EPS15: variants seen among roughly 807,000 people sequenced by gnomAD.
EPS15 encodes epidermal growth factor receptor substrate 15.
In EPS15, 72 loss-of-function variants were observed where a neutral mutation model predicts 113.8. That is an observed-to-expected ratio of 0.63 (90% CI 0.52 to 0.77). EPS15 has a LOEUF of 0.77. Among genes scored for constraint, EPS15 ranks in the 30% least tolerant of loss-of-function variants. The probability of loss-of-function intolerance (pLI) is 0.00; values close to 1 mark genes in which losing one functional copy is unlikely to be tolerated. For missense variants in EPS15, 1,048 were observed against 1,045.8 expected, an observed-to-expected ratio of 1.00 and a Z score of -0.03; for synonymous variants, 344 against 363.4, an observed-to-expected ratio of 0.95 and a Z score of 0.61.
At chr1:51,491,684 T>G (rs956745707) in intron 1 of EPS15, among the ~76,000 whole-genome samples, 9 of 148,498 alleles carry the variant, frequency 6.1e-5, no homozygotes, top group African/African-American at 2.2e-4. Flanking sequence ...AGAACAACTC[T>G]AAAGCTAGGG....
rs1649324638 is a variant in EPS15, at chr1:51,408,238, A to G, written c.1370T>C (p.Leu457Pro). The G allele has an allele frequency of 6.2e-7, 1 of 1,614,108 alleles. No homozygotes were observed. Residue 457 changes from leucine to proline, a missense_variant, in exon 15 of 25, where the codon CTA becomes CCA. Coordinates refer to ENST00000371733, the MANE Select transcript of EPS15 (RefSeq NM_001981.3). Reference protein sequence around the residue: ...LAKAREELSRLQQETAELEES... With the variant: ...LAKAREELSRPQQETAELEES... Reference sequence around the variant, plus strand: ...CTCCAATTCTGCTGTTTCTTGCTGTAGACGGCTCAGCTCTTCTCTAGCTTT... The same window carrying G: ...CTCCAATTCTGCTGTTTCTTGCTGTGGACGGCTCAGCTCTTCTCTAGCTTT...
At chr1:51,491,133 C>T (rs762241518) in intron 1 of EPS15, among the ~76,000 whole-genome samples, 8 of 152,156 alleles carry the variant, frequency 5.3e-5, no homozygotes, top group Non-Finnish European at 1.2e-4. Context: ...TTTATCCCTT[C>T]AAATAAACCA....
At chr1:51,478,017 G>T (rs140331378) in intron 2 of EPS15, among the ~76,000 whole-genome samples, 6,320 of 152,112 alleles carry the variant, frequency 0.042, 181 homozygotes, top group Middle Eastern at 0.065. Flanking sequence ...CTTGTTAACT[G>T]TCTGTCTCAC....
At chr1:51,387,596 A>G (rs1413206468) in intron 21 of EPS15, among the ~76,000 whole-genome samples, 8 of 152,230 alleles carry the variant, frequency 5.3e-5, no homozygotes, top group Non-Finnish European at 1.0e-4. Flanking sequence ...AGAGACACAC[A>G]TAGGCTCAAA....
chr1:51,484,327 C>T (rs928831624), intron 1 of EPS15, among the ~76,000 whole-genome samples: 20 of 150,954 alleles, frequency 1.3e-4, no homozygotes, highest in Non-Finnish European at 3.0e-5. Context: ...TTTGGGAGGC[C>T]GAGGCAGGAG....
intron 21 of EPS15, among the ~76,000 whole-genome samples, chr1:51,393,736 T>C: frequency 6.6e-6 from 1 of 152,222 alleles, no homozygotes; most frequent in East Asian, 1.9e-4. Flanking sequence ...AAATGAACAG[T>C]AGAAAAGAAG....
At chr1:51,473,127 A>G (rs1213655649) in intron 2 of EPS15, among the ~76,000 whole-genome samples, 179 bp from the exon 3 acceptor site, 2 of 152,232 alleles carry the variant, frequency 1.3e-5, no homozygotes, top group African/African-American at 2.4e-5. Flanking sequence ...CTATCTAGAC[A>G]GCACTGGCAA....
intron 11 of EPS15, among the ~76,000 whole-genome samples, chr1:51,440,835 G>A (rs1411868597): frequency 6.6e-6 from 1 of 152,182 alleles, no homozygotes; most frequent in East Asian, 1.9e-4. Flanking sequence ...AACTGGCTGA[G>A]AGTAAACACA....
At chr1:51,397,528 GAGA>G (rs954915318) in intron 20 of EPS15, among the ~76,000 whole-genome samples, 53 of 152,156 alleles carry the variant, frequency 3.5e-4, no homozygotes, top group African/African-American at 9.9e-4. Context: ...AAGGTGAGAG[GAGA>G]AGAATTCCAG....
chr1:51,456,645 T>C (rs1425871731), intron 8 of EPS15, among the ~76,000 whole-genome samples: 5 of 152,216 alleles, frequency 3.3e-5, no homozygotes, highest in Non-Finnish European at 5.9e-5. Context: ...GCAAAAGTAT[T>C]TTTTAAATTA....
At chr1:51,492,133 G>C (rs1234601977) in intron 1 of EPS15, among the ~76,000 whole-genome samples, 1 of 152,116 alleles carries the variant, frequency 6.6e-6, no homozygotes, top group Non-Finnish European at 1.5e-5. Context: ...ACAGGCATGA[G>C]CCGCTGTGCC....
chr1:51,447,005 A>C lies in EPS15; in HGVS notation c.752T>G (p.Ile251Arg). 6.2e-7 allele frequency: 1 copy of C among 1,613,598 alleles called. No homozygotes were observed. Among genetic ancestry groups the C allele is most frequent in the East Asian group, 2.2e-5 (1 of 44,846 alleles). The change falls in exon 10 of 25, where the codon ATA becomes AGA. Residue 251 changes from isoleucine (I) to arginine (R), a missense_variant. Ile to Arg is a moderately conservative substitution (Grantham distance 97). Coordinates refer to ENST00000371733, the MANE Select transcript of EPS15 (RefSeq NM_001981.3). Reference protein sequence around the residue: ...GFVSGLEVREIFLKTGLPSTL... With the variant: ...GFVSGLEVRERFLKTGLPSTL... ...AGAAGGTAAACCTGTTTTCAAGAAT[A>C]TTTCACGGACCTCCAATCCAGACAC...
At chr1:51,514,405 A>T (rs1314237965) in intron 1 of EPS15, among the ~76,000 whole-genome samples, 1 of 152,094 alleles carries the variant, frequency 6.6e-6, no homozygotes, top group Admixed American at 6.5e-5. Flanking sequence ...TCAAGGGTAC[A>T]TGTGAAGGTT....
At chr1:51,502,028 G>A (rs982981722) in intron 1 of EPS15, among the ~76,000 whole-genome samples, 41 of 152,178 alleles carry the variant, frequency 2.7e-4, no homozygotes, top group Non-Finnish European at 1.5e-4. Flanking sequence ...CACTTTGGGA[G>A]GCGAAGGATG....
At position 51,354,794 on chromosome 1, in the gene EPS15, T is replaced by A. The variant is rs1276877105; in HGVS notation, c.*1906A>T. ...AAAATCTATGTAATCCAGTTAAACA[T>A]ACATAAGATTAGGATACATTTATTA... On this transcript the variant is annotated 3_prime_UTR_variant, in exon 25 of 25. Coordinates refer to ENST00000371733, the MANE Select transcript of EPS15 (RefSeq NM_001981.3). 1 of 194,898 alleles carries A rather than the reference T, an allele frequency of 5.1e-6. No homozygotes were observed. Among genetic ancestry groups the A allele is most frequent in the African/African-American group, 2.3e-5 (1 of 43,246 alleles). 12.1% of individuals were successfully genotyped at this position (194,898 alleles called of 1,614,324 possible). A position where few individuals can be genotyped will look rare whatever the true frequency, so the allele number is the denominator to read the frequency against.
intron 11 of EPS15, among the ~76,000 whole-genome samples, chr1:51,442,675 C>T (rs1652684790): frequency 6.6e-6 from 1 of 152,110 alleles, no homozygotes; most frequent in East Asian, 1.9e-4. Context: ...CTAAAATGCA[C>T]ACAAGGACCA....
At chr1:51,490,233 A>T (rs1570416511) in intron 1 of EPS15, 2 of 437,616 alleles carry the variant, frequency 4.6e-6, no homozygotes, top group Non-Finnish European at 9.1e-6. Flanking sequence ...AAATAAACTG[A>T]AATTTTAAAT....
chr1:51,458,012 TA>T (rs1654146292), intron 8 of EPS15: 1 of 152,074 alleles, frequency 6.6e-6, no homozygotes, highest in Non-Finnish European at 1.5e-5. Flanking sequence ...GGTAAAGCAT[TA>T]AAATACAGAA....
At chr1:51,481,535 G>A (rs1324267268) in intron 1 of EPS15, among the ~76,000 whole-genome samples, 3 of 152,092 alleles carry the variant, frequency 2.0e-5, no homozygotes, top group African/African-American at 7.2e-5. Context: ...AATGAAACAA[G>A]AATCTTAAAT....
Sources: allele counts gnomAD v4.1 joint callset (sites outside exome capture counted in the v4.1 genomes callset), GRCh38; gene constraint gnomAD v4.1.1; transcripts MANE v1.5; gene names NCBI Gene and HGNC (gene_info 2026-07-23, HGNC 2026-07-21).